ESRRG: variants seen among roughly 807,000 people sequenced by gnomAD.
ESRRG encodes estrogen related receptor gamma.
In ESRRG, 13 loss-of-function variants were observed where a neutral mutation model predicts 44.0. The observed-to-expected ratio is 0.30, with a 90% CI of 0.19 to 0.47. The LOEUF (loss-of-function observed/expected upper bound fraction) is 0.47, where lower values mean the gene tolerates loss of function less well. Among genes scored for constraint, ESRRG ranks in the 20% least tolerant of loss-of-function variants. The probability of loss-of-function intolerance (pLI) is 1.00; values close to 1 mark genes in which losing one functional copy is unlikely to be tolerated. For synonymous variants in ESRRG, 215 were observed against 214.6 expected (o/e 1.00, Z -0.02); for missense variants, 395 against 580.6 (o/e 0.68, Z 3.29).
chr1:216,617,511 A>G (rs1032467055), intron 3 of ESRRG, among the ~76,000 whole-genome samples: 1 of 152,046 alleles, frequency 6.6e-6, no homozygotes, highest in African/African-American at 2.4e-5. Context: ...TAGAAAAAAA[A>G]AAAAAAGTTG....
chr1:216,739,127 T>C (rs978558408), intron 2 of ESRRG, among the ~76,000 whole-genome samples: 1 of 152,194 alleles, frequency 6.6e-6, no homozygotes, highest in African/African-American at 2.4e-5. Flanking sequence ...ATGCTATTAA[T>C]GTTTTCTTCG....
chr1:216,557,367 A>G (rs1336499152), intron 5 of ESRRG, among the ~76,000 whole-genome samples: 1 of 152,180 alleles, frequency 6.6e-6, no homozygotes. Flanking sequence ...ACAATGAACA[A>G]CAGAAAAGCA....
chr1:217,121,044 A>G (rs888149053), intron 1 of ESRRG, among the ~76,000 whole-genome samples: 1 of 152,130 alleles, frequency 6.6e-6, no homozygotes, highest in Admixed American at 6.5e-5. Flanking sequence ...GCAAGGAAAG[A>G]GTGATGGACT....
At chr1:216,958,027 G>A (rs1422516567) in intron 1 of ESRRG, among the ~76,000 whole-genome samples, 1 of 73,088 alleles carries the variant, frequency 1.4e-5, no homozygotes, top group Non-Finnish European at 4.6e-5. Context: ...GAATGGAAAC[G>A]TATAGTACGC....
At chr1:216,992,124 T>C (rs905438070) in intron 1 of ESRRG, among the ~76,000 whole-genome samples, 1 of 152,184 alleles carries the variant, frequency 6.6e-6, no homozygotes, top group Admixed American at 6.5e-5. Flanking sequence ...TCAATTAAGA[T>C]GGGAATGGGG....
chr1:216,955,846 CT>C (rs1200987094), intron 1 of ESRRG, among the ~76,000 whole-genome samples: 4 of 152,096 alleles, frequency 2.6e-5, no homozygotes, highest in African/African-American at 9.7e-5. Context: ...TGTACATCTT[CT>C]TTTAAGAAAT....
intron 3 of ESRRG, among the ~76,000 whole-genome samples, chr1:216,611,286 A>G (rs2060632536): frequency 6.6e-6 from 1 of 150,464 alleles, no homozygotes; most frequent in Admixed American, 6.6e-5. Flanking sequence ...TATAAGTGGT[A>G]AGTTCTCTCC....
At chr1:216,873,653 T>C (rs779327744) in intron 2 of ESRRG, among the ~76,000 whole-genome samples, 81 of 151,830 alleles carry the variant, frequency 5.3e-4, no homozygotes, top group Non-Finnish European at 9.7e-4. Context: ...CTCAGCCACA[T>C]ATGCCCACAT....
intron 1 of ESRRG, among the ~76,000 whole-genome samples, chr1:217,001,472 T>C (rs2077026573): frequency 6.6e-6 from 1 of 152,230 alleles, no homozygotes; most frequent in South Asian, 2.1e-4. Flanking sequence ...TGAACACATA[T>C]TCTGTCTCAT....
chr1:216,944,549 T>A (rs1426192704), intron 1 of ESRRG, among the ~76,000 whole-genome samples: 1 of 152,152 alleles, frequency 6.6e-6, no homozygotes, highest in Non-Finnish European at 1.5e-5. Context: ...AAGTTCTTCT[T>A]GGTTTATCAT....
At chr1:216,982,516 A>T (rs2074130027) in intron 1 of ESRRG, among the ~76,000 whole-genome samples, 1 of 152,178 alleles carries the variant, frequency 6.6e-6, no homozygotes, top group African/African-American at 2.4e-5. Context: ...GTACTCATGG[A>T]TAGAAATACA....
At position 217,116,671 on chromosome 1, in the gene ESRRG, C is replaced by T. The variant is rs2092732745; in HGVS notation, c.-230+20996G>A. On this transcript the variant is annotated intron_variant, in intron 1 of 8. Coordinates refer to the ESRRG transcript ENST00000366940. ...CATCCTGTTACTGAGACTGTAGCAACCAAGATGCTTCCTACTTACAAAGAC... is the reference window on the plus strand; with the variant it reads ...CATCCTGTTACTGAGACTGTAGCAATCAAGATGCTTCCTACTTACAAAGAC... Among the ~76,000 whole-genome samples, 7 of 152,252 alleles carry T rather than the reference C, an allele frequency of 4.6e-5. No individual in the cohort carries two copies. The South Asian group carries it at 1.2e-3, about 27-fold the overall frequency.
intron 2 of ESRRG, among the ~76,000 whole-genome samples, chr1:216,766,926 T>C (rs2093110220): frequency 6.6e-6 from 1 of 152,186 alleles, no homozygotes; most frequent in African/African-American, 2.4e-5. Flanking sequence ...GGTTATTACA[T>C]AATCTTTTTC....
chr1:216,849,540 G>A (rs1415703568), intron 2 of ESRRG, among the ~76,000 whole-genome samples: 1 of 151,958 alleles, frequency 6.6e-6, no homozygotes, highest in Non-Finnish European at 1.5e-5. Context: ...GATAGCAAAC[G>A]AACAGAAATG....
In ESRRG at chr1:217,036,215, A is replaced by T. The variant is rs184573360; in HGVS notation, c.-106+53292T>A. 9.5e-4 allele frequency among the ~76,000 whole-genome samples: 145 copies of T among 152,358 alleles called. 1 individual carries two copies. The highest frequency in any genetic ancestry group is 2.7e-3 in the African/African-American group (114 of 41,592). On this transcript the variant is annotated intron_variant, in intron 1 of 7. Transcript: ENST00000359162. Reference sequence around the variant, plus strand: ...GAAATGCTTATACACTGTTGGTAAGAGTGTAAATTAGTTCAGCCATTGTGG... The same window carrying T: ...GAAATGCTTATACACTGTTGGTAAGTGTGTAAATTAGTTCAGCCATTGTGG...
At chr1:216,954,362 A>G (rs534340437) in intron 1 of ESRRG, among the ~76,000 whole-genome samples, 16 of 152,160 alleles carry the variant, frequency 1.1e-4, no homozygotes, top group Middle Eastern at 3.4e-3. Flanking sequence ...ATACTCAAGA[A>G]CTCCCTGTCC....
intron 3 of ESRRG, among the ~76,000 whole-genome samples, chr1:216,629,457 A>C (rs1309674181): frequency 1.3e-5 from 2 of 152,210 alleles, no homozygotes; most frequent in Non-Finnish European, 1.5e-5. Flanking sequence ...TCAAGTCAGA[A>C]TGGAATACCT....
At chr1:216,781,390 T>A (rs2093929707) in intron 2 of ESRRG, among the ~76,000 whole-genome samples, 1 of 152,046 alleles carries the variant, frequency 6.6e-6, no homozygotes, top group Admixed American at 6.6e-5. Flanking sequence ...AAGTAGCAGA[T>A]AATAAATAAC....
intron 1 of ESRRG, among the ~76,000 whole-genome samples, chr1:217,134,386 G>T (rs1246383488): frequency 1.3e-5 from 2 of 152,202 alleles, no homozygotes; most frequent in Non-Finnish European, 2.9e-5. Flanking sequence ...AACTGGTGGT[G>T]CCTAAGAAGT....
Sources: allele counts gnomAD v4.1 joint callset (sites outside exome capture counted in the v4.1 genomes callset), GRCh38; gene constraint gnomAD v4.1.1; transcripts MANE v1.5; gene names NCBI Gene and HGNC (gene_info 2026-07-23, HGNC 2026-07-21).